The following TRIM3 variants were observed in gnomAD, a reference collection of about 807,000 sequenced individuals.
The protein encoded by TRIM3 is tripartite motif containing 3, also known as tripartite motif-containing protein 3.
In TRIM3, 13 loss-of-function variants were observed where a neutral mutation model predicts 66.6. The observed-to-expected ratio is 0.20, with a 90% CI of 0.13 to 0.31. The LOEUF (loss-of-function observed/expected upper bound fraction) is 0.31. TRIM3 is among the 10% of genes least tolerant of loss of function. The pLI is 1.00. For missense variants in TRIM3, 711 were observed against 1,020.4 expected, an observed-to-expected ratio of 0.70 and a Z score of 4.13; for synonymous variants, 406 against 411.7, an observed-to-expected ratio of 0.99 and a Z score of 0.17.
At position 6,448,663 on chromosome 11, in the gene TRIM3, G is replaced by A; in HGVS notation, c.*365C>T. The A allele has an allele frequency of 2.0e-6, 1 of 508,244 alleles. No homozygotes were observed. The allele number at this position is 508,244 out of a possible 1,614,324, so 31.5% of individuals were successfully genotyped here. ...TGGGGGGTGGGGTATTGCTGTCTCT[G>A]TCAGTGTGTATAGGGTGGTAGGGAG... is the stretch of plus-strand genomic sequence containing the variant. On this transcript the variant is annotated 3_prime_UTR_variant, in exon 12 of 12. Transcript: ENST00000345851.
Position 6,456,239 on chromosome 11 carries a change from C to G in TRIM3, c.1429+58G>C. On this transcript the variant is annotated intron_variant, in intron 6 of 11. Transcript: ENST00000345851. This position sits in a 1 kb window ranked among gnomAD's most constrained non-coding sequence, Gnocchi z 6.4. Reference sequence around the variant, plus strand: ...TCAGAGGTCATCTTGAACCTCCCTTCCCTCCCCACCCACTACCTGAGCCTG... The same window carrying G: ...TCAGAGGTCATCTTGAACCTCCCTTGCCTCCCCACCCACTACCTGAGCCTG... 1 of 1,600,592 alleles carries G rather than the reference C, an allele frequency of 6.2e-7. No individual in the cohort carries two copies. Among genetic ancestry groups the G allele is most frequent in the Non-Finnish European group, 8.5e-7 (1 of 1,171,102 alleles).
At chr11:6,467,578 CAACAT>C (rs1160040948) in intron 1 of TRIM3, among the ~76,000 whole-genome samples, 2 of 152,064 alleles carry the variant, frequency 1.3e-5, no homozygotes, top group Admixed American at 1.3e-4. Context: ...TCAGCCTGGG[CAACAT>C]AATGAGACCA....
In TRIM3 at chr11:6,457,498, C is replaced by T. The variant is rs773998446; in HGVS notation, c.516-22G>A. 8.1e-6 allele frequency: 13 copies of T among 1,607,714 alleles called. No homozygotes were observed. The East Asian group carries it at 2.2e-4, about 28-fold the overall frequency. The stretch of plus-strand genomic sequence containing the variant: ...CAATCTGGAGGGGGAATATCTCATT[C>T]CAGAGTTGCTGAGGGTGGCTTTGCC... On this transcript the variant is annotated intron_variant, in intron 4 of 11. Transcript: ENST00000345851. The surrounding 1 kb of genome is among the most constrained non-coding windows in gnomAD (Gnocchi z 4.5).
intron 1 of TRIM3, among the ~76,000 whole-genome samples, chr11:6,467,019 G>T (rs544342304): frequency 3.3e-5 from 5 of 152,184 alleles, no homozygotes; most frequent in Admixed American, 3.3e-4. Flanking sequence ...ATTGATTTCA[G>T]GAATTCAATA....
At chr11:6,469,444 C>A (rs1422241848) in intron 1 of TRIM3, among the ~76,000 whole-genome samples, 1 of 152,204 alleles carries the variant, frequency 6.6e-6, no homozygotes, top group Non-Finnish European at 1.5e-5. Flanking sequence ...TCCCACTGTG[C>A]TCTAGAGATT....
intron 1 of TRIM3, among the ~76,000 whole-genome samples, chr11:6,472,646 T>C (rs1850731208): frequency 6.6e-6 from 1 of 152,244 alleles, no homozygotes; most frequent in Non-Finnish European, 1.5e-5. Flanking sequence ...GTACTCAGTA[T>C]ATGTTGGTTA....
At chr11:6,451,082 A>G in intron 8 of TRIM3, 22 bp from the exon 9 acceptor site, 1 of 1,612,944 alleles carries the variant, frequency 6.2e-7, no homozygotes, top group Non-Finnish European at 8.5e-7. Context: ...GAATATCCAT[A>G]AGAGGCTTTA....
At position 6,449,208 on chromosome 11, in the gene TRIM3, G is replaced by C; in HGVS notation, c.2083-28C>G. 1.2e-6 allele frequency: 2 copies of C among 1,612,382 alleles called. No individual in the cohort carries two copies. The highest frequency in any genetic ancestry group is 1.7e-6 in the Non-Finnish European group (2 of 1,178,452). ...GGGGAAGGAGTGCAGAAAGGAGGGA[G>C]AGGCAAGATCAGGCAGATGAGAGTC... On this transcript the variant is annotated intron_variant, in intron 11 of 11. Coordinates refer to ENST00000345851, the MANE Select transcript of TRIM3 (RefSeq NM_033278.4). This position sits in a 1 kb window ranked among gnomAD's most constrained non-coding sequence, Gnocchi z 5.3.
At chr11:6,469,369 C>T (rs996531384) in intron 1 of TRIM3, among the ~76,000 whole-genome samples, 7 of 152,182 alleles carry the variant, frequency 4.6e-5, no homozygotes, top group Non-Finnish European at 1.0e-4. Context: ...GGCATGCAGC[C>T]GCTGAGGCCA....
intron 1 of TRIM3, chr11:6,473,037 C>G (rs901704104): frequency 6.5e-6 from 1 of 152,724 alleles, no homozygotes; most frequent in Non-Finnish European, 1.5e-5. Flanking sequence ...CATCAGAGAA[C>G]CCCCACACCA....
chr11:6,457,990 AC>A lies in TRIM3; in HGVS notation c.363+74del. 1 of 1,538,706 alleles carries A rather than the reference AC, an allele frequency of 6.5e-7. No individual in the cohort carries two copies. The highest frequency in any genetic ancestry group is 8.8e-7 in the Non-Finnish European group (1 of 1,137,514). The stretch of plus-strand genomic sequence containing the variant: ...CAGAGCAGTACCCTGTCACCCAGCC[AC>A]TCGGCACCCCCCAATGCCTCTCCTC... On this transcript the variant is annotated intron_variant, in intron 3 of 11. Coordinates refer to ENST00000345851, the MANE Select transcript of TRIM3 (RefSeq NM_033278.4). The surrounding 1 kb of genome is among the most constrained non-coding windows in gnomAD (Gnocchi z 4.5).
Position 6,465,443 on chromosome 11 carries a change from G to C in TRIM3, c.131+122C>G, listed in dbSNP as rs1850418325. The stretch of plus-strand genomic sequence containing the variant: ...TGGGGTTCACCTGCTCTCCTCCCAG[G>C]TAAGCATGTTGCCTCACCTACTACA... On this transcript the variant is annotated intron_variant, in intron 2 of 11. Transcript: ENST00000345851. 4 of 1,254,740 alleles carry C rather than the reference G, an allele frequency of 3.2e-6. No homozygotes were observed. In the East Asian group the frequency reaches 9.5e-5, roughly 30 times the overall value. 77.7% of individuals were successfully genotyped at this position (1,254,740 alleles called of 1,614,324 possible). A position where few individuals can be genotyped will look rare whatever the true frequency, so the allele number is the denominator to read the frequency against.
At position 6,458,580 on chromosome 11, in the gene TRIM3, A is replaced by C. The variant is rs539671459; in HGVS notation, c.132-284T>G. 1.3e-5 allele frequency among the ~76,000 whole-genome samples: 2 copies of C among 152,290 alleles called. No individual in the cohort carries two copies. Among genetic ancestry groups the C allele is most frequent in the South Asian group, 4.1e-4 (2 of 4,828 alleles). ...TCACAGGTGTTTACAAATGCTTCTCATAGGAATGTGCAACTAGGCACCCCC... is the reference window on the plus strand; with the variant it reads ...TCACAGGTGTTTACAAATGCTTCTCCTAGGAATGTGCAACTAGGCACCCCC... On this transcript the variant is annotated intron_variant, in intron 2 of 11. Coordinates refer to ENST00000345851, the MANE Select transcript of TRIM3 (RefSeq NM_033278.4). The surrounding 1 kb of genome is among the most constrained non-coding windows in gnomAD (Gnocchi z 6.2).
chr11:6,464,231 T>C (rs746761295), intron 2 of TRIM3, among the ~76,000 whole-genome samples: 13 of 152,184 alleles, frequency 8.5e-5, no homozygotes, highest in Admixed American at 6.5e-4. Context: ...TCCAGCTTCA[T>C]CCCATAATAC....
At chr11:6,463,127 C>A (rs1850314917) in intron 2 of TRIM3, among the ~76,000 whole-genome samples, 1 of 152,124 alleles carries the variant, frequency 6.6e-6, no homozygotes, top group Non-Finnish European at 1.5e-5. Flanking sequence ...ATCACTTGAA[C>A]CCAGGAGGCA....
At chr11:6,463,658 T>A (rs1303654752) in intron 2 of TRIM3, among the ~76,000 whole-genome samples, 1 of 152,126 alleles carries the variant, frequency 6.6e-6, no homozygotes, top group Non-Finnish European at 1.5e-5. Context: ...GATATCTATA[T>A]TGTATCGAAA....
At chr11:6,451,204 C>T (rs189817013) in intron 8 of TRIM3, 67 bp downstream of exon 8, 1 of 1,596,736 alleles carries the variant, frequency 6.3e-7, no homozygotes, top group East Asian at 2.2e-5. Flanking sequence ...CCCTGACCAC[C>T]AAGAGGCACT....
At chr11:6,461,675 T>C (rs1850246535) in intron 2 of TRIM3, among the ~76,000 whole-genome samples, 1 of 152,198 alleles carries the variant, frequency 6.6e-6, no homozygotes, top group African/African-American at 2.4e-5. Context: ...CCAAGCTCAC[T>C]GAATCTAGTG....
Position 6,457,905 on chromosome 11 carries a change from C to T in TRIM3, c.364-58G>A. 6.2e-7 allele frequency: 1 copy of T among 1,600,224 alleles called. No individual in the cohort carries two copies. Among genetic ancestry groups the T allele is most frequent in the Non-Finnish European group, 8.5e-7 (1 of 1,170,982 alleles). On this transcript the variant is annotated intron_variant, in intron 3 of 11. Transcript: ENST00000345851. This position sits in a 1 kb window ranked among gnomAD's most constrained non-coding sequence, Gnocchi z 4.5. ...TAGACATCACACTTCTTTGTCCCCT[C>T]CCCACCTGCCCTCCCTGCCCCTCAC... is the stretch of plus-strand genomic sequence containing the variant.
Sources: allele counts gnomAD v4.1 joint callset (sites outside exome capture counted in the v4.1 genomes callset), GRCh38; gene constraint gnomAD v4.1.1; non-coding constraint Gnocchi (gnomAD v3.1); transcripts MANE v1.5; gene names NCBI Gene and HGNC (gene_info 2026-07-23, HGNC 2026-07-21).